Variants in PTK2B observed in about 807,000 individuals in gnomAD.
PTK2B encodes the protein protein tyrosine kinase 2 beta, also known as protein-tyrosine kinase 2-beta.
In PTK2B, 71 loss-of-function variants were observed where a neutral mutation model predicts 142.9. The ratio of observed to expected loss-of-function variants is 0.50; its 90% CI spans 0.41 to 0.61. The LOEUF is 0.61. Ranked by LOEUF, PTK2B falls within the 20% of genes least tolerant of loss-of-function variation. The pLI is 0.00. For missense variants in PTK2B, 1,105 were observed against 1,320.4 expected, an observed-to-expected ratio of 0.84 and a Z score of 2.53; for synonymous variants, 519 against 503.4, an observed-to-expected ratio of 1.03 and a Z score of -0.42.
rs576473634 is a variant in PTK2B, at chr8:27,320,439, C to A, written c.-413-1963C>A. Among the ~76,000 whole-genome samples the A allele has an allele frequency of 5.9e-5, 9 of 152,296 alleles. No individual in the cohort carries two copies. The South Asian group carries it at 1.9e-3, about 32-fold the overall frequency. On this transcript the variant is annotated intron_variant, in intron 3 of 35. Coordinates refer to the PTK2B transcript ENST00000397501. ...GCCCCAACTCCCCACCCTGCCACCC[C>A]GCTCCAGCTTCAGATGCCAGTAGCA...
Position 27,437,206 on chromosome 8 carries a change from G to A in PTK2B, c.1426G>A (p.Val476Met). 1 of 1,613,504 alleles carries A rather than the reference G, an allele frequency of 6.2e-7. No homozygotes were observed. The highest frequency in any genetic ancestry group is 8.5e-7 in the Non-Finnish European group (1 of 1,179,442). ...DNKEKFMSEA[V>M]IMKNLDHPHI... ...CAAGGAGAAGTTCATGAGCGAGGCA[G>A]GTAGGGACCCCTGAGACCAACCAGG... The change falls in exon 16 of 31, where the codon GTG becomes ATG. Residue 476 changes from valine to methionine, a missense_variant and splice_region_variant. Val to Met is a conservative substitution (Grantham distance 21, BLOSUM62 1). Transcript: ENST00000346049.
At position 27,339,798 on chromosome 8, in the gene PTK2B, G is replaced by T. The variant is rs368300499; in HGVS notation, c.-38+14117G>T. On this transcript the variant is annotated intron_variant, in intron 1 of 30. Transcript: ENST00000346049. ...TGGACTCCTTTCCTTTACTGATGGT[G>T]GTTGGCAGGTTCAGAATTAGGAGTT... 2.6e-5 allele frequency among the ~76,000 whole-genome samples: 4 copies of T among 152,202 alleles called. No homozygotes were observed. The East Asian group carries it at 7.7e-4, about 29-fold the overall frequency.
chr8:27,425,615 T>C (rs1810037574), intron 5 of PTK2B, among the ~76,000 whole-genome samples: 1 of 152,176 alleles, frequency 6.6e-6, no homozygotes, highest in Admixed American at 6.5e-5. Flanking sequence ...TGAGCCTACA[T>C]TGACACATCA....
chr8:27,407,146 G>A (rs1808767065), intron 2 of PTK2B, among the ~76,000 whole-genome samples: 1 of 152,002 alleles, frequency 6.6e-6, no homozygotes, highest in Admixed American at 6.6e-5. Context: ...TCAATATAGT[G>A]AGCGGAAAGA....
chr8:27,430,022 A>G, intron 5 of PTK2B, 71 bp from the exon 6 acceptor site: 3 of 1,418,950 alleles, frequency 2.1e-6, no homozygotes, highest in Non-Finnish European at 2.0e-6. Context: ...TTCTGGTGGC[A>G]TGAGGTGCCC....
chr8:27,443,400 C>G (rs894190937), intron 22 of PTK2B, among the ~76,000 whole-genome samples: 1 of 152,178 alleles, frequency 6.6e-6, no homozygotes, highest in Non-Finnish European at 1.5e-5. Context: ...TCTGAGAGGC[C>G]GTGCCTGTCT....
At chr8:27,320,980 CT>C (rs776395346), upstream of PTK2B, among the ~76,000 whole-genome samples, 153 of 39,360 alleles carry the variant, frequency 3.9e-3, no homozygotes, top group African/African-American at 0.012. Flanking sequence ...ATACAAAAGG[CT>C]TTTTTTTTTT....
intron 24 of PTK2B, 147 bp from the exon 25 acceptor site, chr8:27,450,602 C>G: frequency 1.0e-6 from 1 of 995,964 alleles, no homozygotes; most frequent in Non-Finnish European, 1.5e-6. Context: ...ACATATAGCT[C>G]TGGGTTTAAG....
At chr8:27,408,568 A>G (rs1463151392) in intron 2 of PTK2B, among the ~76,000 whole-genome samples, 4 of 152,240 alleles carry the variant, frequency 2.6e-5, no homozygotes, top group African/African-American at 4.8e-5. Flanking sequence ...GTAAATTTGT[A>G]TGCCTTTTCT....
At chr8:27,319,574 G>A (rs1481601857) in intron 3 of PTK2B, among the ~76,000 whole-genome samples, 1 of 148,454 alleles carries the variant, frequency 6.7e-6, no homozygotes, top group Non-Finnish European at 1.5e-5. Flanking sequence ...AACCTGGGAG[G>A]TAGAGCTTGC....
At chr8:27,316,800 A>G (rs928859622) in intron 3 of PTK2B, among the ~76,000 whole-genome samples, 9 of 152,358 alleles carry the variant, frequency 5.9e-5, no homozygotes, top group South Asian at 2.1e-4. Context: ...TAACTAGGGA[A>G]ACACTGAGGG....
At chr8:27,323,829 T>C (rs1478875380), upstream of PTK2B, among the ~76,000 whole-genome samples, 3 of 152,204 alleles carry the variant, frequency 2.0e-5, no homozygotes, top group Admixed American at 1.3e-4. Flanking sequence ...TTTTTTAAAG[T>C]GCTGAAGAAT....
intron 20 of PTK2B, 30 bp from the exon 21 acceptor site, chr8:27,440,207 C>G (rs1476783554): frequency 6.2e-7 from 1 of 1,609,968 alleles, no homozygotes; most frequent in South Asian, 1.1e-5. Context: ...GTCTCCCCCA[C>G]CCAGGGCCTG....
chr8:27,357,186 T>C (rs1355844003), intron 1 of PTK2B, among the ~76,000 whole-genome samples: 6 of 152,268 alleles, frequency 3.9e-5, no homozygotes, highest in African/African-American at 7.2e-5. Context: ...TAGGGGAAGA[T>C]GAGTCAAGGG....
Position 27,350,990 on chromosome 8 carries a change from AATATATATATAT to A in PTK2B, c.-38+25349_-38+25360del, listed in dbSNP as rs1161548916. 7.4e-4 allele frequency among the ~76,000 whole-genome samples: 9 copies of A among 12,092 alleles called. 1 individual carries two copies. Among genetic ancestry groups the A allele is most frequent in the South Asian group, 7.4e-3 (2 of 270 alleles). 7.9% of individuals were successfully genotyped at this position (12,092 alleles called of 152,430 possible). On this transcript the variant is annotated intron_variant, in intron 1 of 30. Coordinates refer to ENST00000346049, the MANE Select transcript of PTK2B (RefSeq NM_173176.3). ...GTCTCCGTCTCAAAAAAAAAAAAAA[AATATATATATAT>A]ATATATATATATATATATATATATA...
chr8:27,434,251 C>A, intron 12 of PTK2B, 119 bp downstream of exon 12: 1 of 1,327,686 alleles, frequency 7.5e-7, no homozygotes, highest in Non-Finnish European at 1.0e-6. Flanking sequence ...CCAGGAGAAC[C>A]CTGAAAAAAG....
intron 1 of PTK2B, among the ~76,000 whole-genome samples, chr8:27,358,338 T>C (rs1300192204): frequency 6.6e-6 from 1 of 152,238 alleles, no homozygotes. Context: ...TGTCCATTTT[T>C]GCTTTATATT....
chr8:27,320,792 T>G (rs1803194047), upstream of PTK2B, among the ~76,000 whole-genome samples: 1 of 151,912 alleles, frequency 6.6e-6, no homozygotes, highest in Non-Finnish European at 1.5e-5. Flanking sequence ...GCATGACTGA[T>G]TACAGTATTG....
intron 1 of PTK2B, among the ~76,000 whole-genome samples, chr8:27,344,637 G>A (rs781069944): frequency 1.4e-4 from 21 of 152,000 alleles, no homozygotes; most frequent in African/African-American, 4.8e-4. Flanking sequence ...CCCACCCCTC[G>A]TCCGCTTGAT....
Sources: gnomAD v4.1 joint callset for allele counts (sites outside exome capture counted in the v4.1 genomes callset) on GRCh38, gnomAD v4.1.1 for gene constraint, MANE v1.5 for transcripts, NCBI Gene and HGNC (gene_info 2026-07-23, HGNC 2026-07-21) for gene names.